TMED1: variants seen among roughly 807,000 people sequenced by gnomAD.
TMED1 encodes the protein transmembrane emp24 domain-containing protein 1.
In TMED1, 20 loss-of-function variants were observed where a neutral mutation model predicts 21.2. The ratio of observed to expected loss-of-function variants is 0.95; its 90% confidence interval spans 0.67 to 1.37. TMED1 has a LOEUF of 1.37. Ranked by LOEUF, TMED1 falls within the 40% of genes most tolerant of loss-of-function variation. The pLI is 0.00. For synonymous variants in TMED1, 149 were observed against 134.7 expected, an observed-to-expected ratio of 1.11 and a Z score of -0.74; for missense variants, 316 against 309.8, an observed-to-expected ratio of 1.02 and a Z score of -0.15.
chr19:10,832,869 G>T lies in TMED1; in HGVS notation c.*126C>A. 1 of 1,087,674 alleles carries T rather than the reference G, an allele frequency of 9.2e-7. No homozygotes were observed. Among genetic ancestry groups the T allele is most frequent in the Non-Finnish European group, 1.3e-6 (1 of 756,084 alleles). 67.4% of individuals were successfully genotyped at this position (1,087,674 alleles called of 1,614,324 possible). On this transcript the variant is annotated 3_prime_UTR_variant, in exon 4 of 4. Transcript: ENST00000214869. ...GGACGGAAGGAGACTCATGGGGCCA[G>T]ACCGCAGGCCCTGACTGCACACTCC...
Position 10,835,088 on chromosome 19 carries a change from T to C in TMED1, c.311A>G (p.Lys104Arg), listed in dbSNP as rs34570677. Residue 104 changes from lysine to arginine, a missense_variant, in exon 3 of 4, where the codon AAG (lysine) becomes AGG (arginine). Coordinates refer to ENST00000214869, the MANE Select transcript of TMED1 (RefSeq NM_006858.4). ...TVEPTEAGDY[K>R]LCFDNSFSTI... ...GCTGAAGGAGTTGTCAAAGCACAGC[T>C]TGTAGTCCCCGGCCTCCGTTGGCTC... 3 of 1,614,144 alleles carry C rather than the reference T, an allele frequency of 1.9e-6. 1 individual carries two copies. The South Asian group carries it at 3.3e-5, about 18-fold the overall frequency.
chr19:10,832,300 C>T lies in TMED1; in HGVS notation c.*695G>A. The T allele has an allele frequency of 7.8e-7, 1 of 1,289,718 alleles. No individual in the cohort carries two copies. Among genetic ancestry groups the T allele is most frequent in the South Asian group, 1.2e-5 (1 of 81,022 alleles). 79.9% of individuals were successfully genotyped at this position (1,289,718 alleles called of 1,614,324 possible). A position where few individuals can be genotyped will look rare whatever the true frequency, so the allele number is the denominator to read the frequency against. ...TTTGCTTTCTGATTTTTCTCTTGTG[C>T]CAGGCGACCACCTCCATCGGCTCCC... On this transcript the variant is annotated 3_prime_UTR_variant, in exon 4 of 4. Transcript: ENST00000214869.
chr19:10,835,718 C>A, intron 1 of TMED1: 1 of 1,408,422 alleles, frequency 7.1e-7, no homozygotes, highest in Non-Finnish European at 9.2e-7. Context: ...GACCTATCAG[C>A]ACTATCGCCA....
In TMED1 at chr19:10,835,601, A is replaced by G; in HGVS notation, c.184-248T>C. ...TACCAAAAGTACTTAATGGACGTTT[A>G]CCTGACCACGCCCCTGGTTGGCTCC... On this transcript the variant is annotated intron_variant, in intron 1 of 3. Coordinates refer to ENST00000214869, the MANE Select transcript of TMED1 (RefSeq NM_006858.4). 1.2e-5 allele frequency: 17 copies of G among 1,417,442 alleles called. 1 individual carries two copies. The South Asian group carries it at 2.6e-4, about 21-fold the overall frequency. 87.8% of individuals were successfully genotyped at this position (1,417,442 alleles called of 1,614,324 possible). A position where few individuals can be genotyped will look rare whatever the true frequency, so the allele number is the denominator to read the frequency against.
chr19:10,835,513 C>T (rs919631747), intron 1 of TMED1, 160 bp from the exon 2 acceptor site: 3 of 1,471,564 alleles, frequency 2.0e-6, no homozygotes, highest in African/African-American at 2.8e-5. Flanking sequence ...GTGGCTGCGC[C>T]CCTTGCCTCC....
Position 10,835,055 on chromosome 19 carries a change from G to C in TMED1, c.344C>G (p.Ser115Cys). 1 of 1,614,214 alleles carries C rather than the reference G, an allele frequency of 6.2e-7. No homozygotes were observed. Among genetic ancestry groups the C allele is most frequent in the Non-Finnish European group, 8.5e-7 (1 of 1,180,030 alleles). ...CAGTTCAAAGAACACCAGCTTCTCGGAGATGGTGCTGAAGGAGTTGTCAAA... is the reference window on the plus strand; with the variant it reads ...CAGTTCAAAGAACACCAGCTTCTCGCAGATGGTGCTGAAGGAGTTGTCAAA... ...LCFDNSFSTISEKLVFFELIF... is the reference protein window; with the variant it reads ...LCFDNSFSTICEKLVFFELIF... The change falls in exon 3 of 4, where the codon TCC (serine) becomes TGC (cysteine). Residue 115 changes from serine (S) to cysteine (C), a missense_variant. Coordinates refer to ENST00000214869, the MANE Select transcript of TMED1 (RefSeq NM_006858.4).
intron 1 of TMED1, 26 bp downstream of exon 1, chr19:10,835,983 T>A: frequency 6.4e-7 from 1 of 1,551,980 alleles, no homozygotes; most frequent in Non-Finnish European, 8.7e-7. Context: ...CTGACTCTGC[T>A]GGCCGCCCAG....
chr19:10,835,090 G>T lies in TMED1; in HGVS notation c.309C>A (p.Tyr103Ter), dbSNP rs922135638. 3.1e-6 allele frequency: 5 copies of T among 1,614,182 alleles called. No homozygotes were observed. The highest frequency in any genetic ancestry group is 4.2e-6 in the Non-Finnish European group (5 of 1,180,004). ...HTVEPTEAGD[Y>*]KLCFDNSFST... Reference sequence around the variant, plus strand: ...TGAAGGAGTTGTCAAAGCACAGCTTGTAGTCCCCGGCCTCCGTTGGCTCCA... The same window carrying T: ...TGAAGGAGTTGTCAAAGCACAGCTTTTAGTCCCCGGCCTCCGTTGGCTCCA... Residue 103 changes from tyrosine to a stop codon, truncating the protein, a stop_gained, in exon 3 of 4, where the codon TAC becomes TAA. Transcript: ENST00000214869. LOFTEE classifies it high-confidence loss of function.
chr19:10,834,600 C>A (rs2073401858), intron 3 of TMED1, among the ~76,000 whole-genome samples: 1 of 151,942 alleles, frequency 6.6e-6, no homozygotes, highest in African/African-American at 2.4e-5. Flanking sequence ...TGGCCTCAGC[C>A]TCCTGAGTAG....
chr19:10,835,488 C>G (rs972373542), intron 1 of TMED1, 135 bp from the exon 2 acceptor site: 16 of 1,488,520 alleles, frequency 1.1e-5, no homozygotes, highest in East Asian at 2.5e-5. Context: ...CCCACACCCG[C>G]CCCAACCTGT....
chr19:10,834,777 G>C, intron 3 of TMED1, 157 bp downstream of exon 3: 1 of 913,796 alleles, frequency 1.1e-6, no homozygotes, highest in Non-Finnish European at 1.6e-6. Flanking sequence ...CACCGTGCCC[G>C]GCCTGAAATG....
In TMED1 at chr19:10,835,997, G is replaced by A; in HGVS notation, c.183+12C>T. ...CCTGACTCTGCTGGCCGCCCAGCCC[G>A]CGACCCTCTACCTGGTATTCGGTCT... is the stretch of plus-strand genomic sequence containing the variant. On this transcript the variant is annotated intron_variant, in intron 1 of 3. Coordinates refer to ENST00000214869, the MANE Select transcript of TMED1 (RefSeq NM_006858.4). 1.9e-6 allele frequency: 3 copies of A among 1,570,348 alleles called. No individual in the cohort carries two copies. Among genetic ancestry groups the A allele is most frequent in the Non-Finnish European group, 2.6e-6 (3 of 1,158,416 alleles).
rs1263682314 is a variant in TMED1 at position 10,835,259 on chromosome 19, T to G, written c.278A>C (p.His93Pro). 1 of 1,614,082 alleles carries G rather than the reference T, an allele frequency of 6.2e-7. No homozygotes were observed. Among genetic ancestry groups the G allele is most frequent in the East Asian group, 2.2e-5 (1 of 44,864 alleles). Residue 93 changes from histidine (H) to proline (P), a missense_variant, in exon 2 of 4, where the codon CAC becomes CCC. Transcript: ENST00000214869. ...CAGGCATCAAGACTGAACTCACGTG[T>G]GTACCCCATCAGCCTTGCGGGACTC... ...VSESRKADGV[H>P]TVEPTEAGDY...
In TMED1 at chr19:10,833,038, G is replaced by A. The variant is rs555516048; in HGVS notation, c.641C>T (p.Thr214Met). The A allele has an allele frequency of 2.7e-5, 43 of 1,613,766 alleles. No individual in the cohort carries two copies. The highest frequency in any genetic ancestry group is 4.5e-5 in the East Asian group (2 of 44,894). The change falls in exon 4 of 4, where the codon ACG (threonine) becomes ATG (methionine). Residue 214 changes from threonine to methionine, a missense_variant. Thr to Met is a moderately conservative substitution (Grantham distance 81, BLOSUM62 -1). Coordinates refer to ENST00000214869, the MANE Select transcript of TMED1 (RefSeq NM_006858.4). ...LLLVAVLQVC[T>M]LKRFFQDKRP... ...CTTGTCCTGGAAGAAGCGCTTGAGC[G>A]TGCAGACCTGCAGCACAGCCACCAG...
At chr19:10,835,693 A>C in intron 1 of TMED1, 1 of 1,391,074 alleles carries the variant, frequency 7.2e-7, no homozygotes, top group East Asian at 2.6e-5. Flanking sequence ...CTGTGTGGGC[A>C]ACGCCCCCGC....
chr19:10,834,970 G>C lies in TMED1; in HGVS notation c.429C>G (p.Pro143=), dbSNP rs765423765. Residue 143 remains proline (P), a synonymous_variant, in exon 3 of 4, where the codon CCC becomes CCG. Transcript: ENST00000214869. ...CCATTTTAACATCCAGCATCTCCTC[G>C]GGCTCCACAGCCTCTGCCCATCCTT... The part of the protein sequence containing the change: ...EVEGWAEAVE[P]EEMLDVKMED... The C allele has an allele frequency of 6.2e-7, 1 of 1,613,982 alleles. No individual in the cohort carries two copies. Among genetic ancestry groups the C allele is most frequent in the Non-Finnish European group, 8.5e-7 (1 of 1,179,980 alleles).
rs1286536183 is a variant in TMED1 at position 10,832,174 on chromosome 19, C to T, written c.*821G>A. ...CAGGCCTGGCTGCTGCCTGGTGAAG[C>T]GGGGACCCCAGCGCTCCACCCCCTT... On this transcript the variant is annotated 3_prime_UTR_variant, in exon 4 of 4. Coordinates refer to ENST00000214869, the MANE Select transcript of TMED1 (RefSeq NM_006858.4). The T allele has an allele frequency of 8.9e-6, 7 of 783,878 alleles. No homozygotes were observed. Among genetic ancestry groups the T allele is most frequent in the Non-Finnish European group, 1.1e-5 (6 of 536,406 alleles). The allele number at this position is 783,878 out of a possible 1,614,324, so 48.6% of individuals were successfully genotyped here. A position where few individuals can be genotyped will look rare whatever the true frequency, so the allele number is the denominator to read the frequency against.
At chr19:10,833,857 C>G (rs1273390279) in intron 3 of TMED1, among the ~76,000 whole-genome samples, 2 of 152,200 alleles carry the variant, frequency 1.3e-5, no homozygotes, top group Non-Finnish European at 2.9e-5. Context: ...GATCACACCA[C>G]TGCACTCCAG....
intron 3 of TMED1, among the ~76,000 whole-genome samples, chr19:10,834,170 ATAAG>A (rs1484292713): frequency 1.3e-5 from 2 of 152,142 alleles, no homozygotes; most frequent in African/African-American, 2.4e-5. Flanking sequence ...AAATAAATAA[ATAAG>A]TAGTTAATTA....
Sources: gnomAD v4.1 joint callset for allele counts (sites outside exome capture counted in the v4.1 genomes callset) on GRCh38, gnomAD v4.1.1 for gene constraint, MANE v1.5 for transcripts, NCBI Gene and HGNC (gene_info 2026-07-23, HGNC 2026-07-21) for gene names.